The following RSU1 variants were observed in gnomAD, a reference collection of about 807,000 sequenced individuals.
The protein encoded by RSU1 is rsu-1.
In RSU1, 26 loss-of-function variants were observed where a neutral mutation model predicts 31.1. The observed-to-expected ratio is 0.84, with a 90% CI of 0.61 to 1.16. RSU1 has a LOEUF of 1.16. RSU1 is among the 50% of genes most tolerant of loss of function. The pLI is 0.00. For synonymous variants in RSU1, 164 were observed against 136.3 expected, an observed-to-expected ratio of 1.20 and a Z score of -1.41; for missense variants, 320 against 339.1, an observed-to-expected ratio of 0.94 and a Z score of 0.44.
At chr10:16,812,196 C>T (rs1838422986) in intron 2 of RSU1, among the ~76,000 whole-genome samples, 1 of 152,190 alleles carries the variant, frequency 6.6e-6, no homozygotes, top group Non-Finnish European at 1.5e-5. Context: ...AATCCCAGAA[C>T]TTTGGGAGGC....
intron 7 of RSU1, among the ~76,000 whole-genome samples, chr10:16,750,367 A>G (rs1237082810): frequency 2.0e-5 from 3 of 152,206 alleles, no homozygotes; most frequent in Non-Finnish European, 4.4e-5. Flanking sequence ...GGCTCGCAAA[A>G]ATAAAGTCAT....
intron 7 of RSU1, among the ~76,000 whole-genome samples, chr10:16,718,850 G>A (rs368077470): frequency 1.3e-3 from 205 of 151,944 alleles, no homozygotes; most frequent in African/African-American, 4.6e-3. Flanking sequence ...GCATGGTGGC[G>A]GACACATGTA....
chr10:16,678,829 C>T (rs1835277001), intron 8 of RSU1, among the ~76,000 whole-genome samples: 1 of 152,096 alleles, frequency 6.6e-6, no homozygotes, highest in African/African-American at 2.4e-5. Flanking sequence ...GCCTATCCTT[C>T]AGGAATATTC....
At chr10:16,683,064 C>T (rs1236329350) in intron 8 of RSU1, among the ~76,000 whole-genome samples, 2 of 152,002 alleles carry the variant, frequency 1.3e-5, no homozygotes, top group South Asian at 2.1e-4. Flanking sequence ...ATAACAGACC[C>T]CTCTGCCATT....
At chr10:16,594,077 TGAGAG>T (rs548365197) in intron 8 of RSU1, among the ~76,000 whole-genome samples, 259 of 152,398 alleles carry the variant, frequency 1.7e-3, no homozygotes, top group African/African-American at 6.0e-3. Context: ...GCTCCGTGGC[TGAGAG>T]GATTTAACTG....
intron 8 of RSU1, among the ~76,000 whole-genome samples, chr10:16,622,511 T>C (rs889219081): frequency 2.6e-5 from 4 of 152,168 alleles, no homozygotes; most frequent in Non-Finnish European, 4.4e-5. Flanking sequence ...TGTGATTTTA[T>C]TGAAAAAGGC....
At chr10:16,722,459 A>T (rs2131591324) in intron 7 of RSU1, among the ~76,000 whole-genome samples, 1 of 152,300 alleles carries the variant, frequency 6.6e-6, no homozygotes, top group Middle Eastern at 3.4e-3. Context: ...AGAATTCAAG[A>T]GGAGTGGAGG....
chr10:16,744,352 G>A (rs1328963615), intron 7 of RSU1, among the ~76,000 whole-genome samples: 1 of 152,062 alleles, frequency 6.6e-6, no homozygotes, highest in African/African-American at 2.4e-5. Flanking sequence ...AACAAATGAA[G>A]CAATTGGTTC....
intron 7 of RSU1, among the ~76,000 whole-genome samples, chr10:16,702,812 T>C (rs950036206): frequency 2.6e-5 from 4 of 152,152 alleles, no homozygotes; most frequent in Non-Finnish European, 5.9e-5. Flanking sequence ...AAGGCATGAT[T>C]ATATTTTGCA....
chr10:16,694,140 G>A (rs886100570), intron 8 of RSU1, among the ~76,000 whole-genome samples: 1 of 152,144 alleles, frequency 6.6e-6, no homozygotes, highest in Non-Finnish European at 1.5e-5. Context: ...GAGGAAGAAA[G>A]AAGCAGGAAT....
chr10:16,646,462 T>C (rs1834572560), intron 8 of RSU1, among the ~76,000 whole-genome samples: 1 of 152,180 alleles, frequency 6.6e-6, no homozygotes, highest in Non-Finnish European at 1.5e-5. Flanking sequence ...CCTCTCTGAC[T>C]CTTTTGCCCC....
In RSU1 at chr10:16,675,200, C is replaced by CAAAA. The variant is rs4012468; in HGVS notation, c.731+19819_731+19822dup. On this transcript the variant is annotated intron_variant, in intron 8 of 8. Coordinates refer to ENST00000345264, the MANE Select transcript of RSU1 (RefSeq NM_012425.4). ...TGGGTAACAGAGCGAGACTCTGTCT[C>CAAAA]AAAAAAAAAAAAAAAAAGAAAGAAA... Among the ~76,000 whole-genome samples, 118 of 95,430 alleles carry CAAAA rather than the reference C, an allele frequency of 1.2e-3. 3 individuals are homozygous for CAAAA. The South Asian group carries it at 0.02, about 16-fold the overall frequency. The allele number at this position is 95,430 out of a possible 152,430, so 62.6% of individuals were successfully genotyped here. A position where few individuals can be genotyped will look rare whatever the true frequency, so the allele number is the denominator to read the frequency against.
intron 2 of RSU1, among the ~76,000 whole-genome samples, chr10:16,815,093 T>TGCCCCCAA (rs1177288615): frequency 6.6e-6 from 1 of 152,200 alleles, no homozygotes; most frequent in African/African-American, 2.4e-5. Flanking sequence ...GTATCAACAG[T>TGCCCCCAA]GCCCCCAATA....
At chr10:16,786,873 C>T (rs1291498422) in intron 2 of RSU1, among the ~76,000 whole-genome samples, 1 of 152,126 alleles carries the variant, frequency 6.6e-6, no homozygotes, top group South Asian at 2.1e-4. Flanking sequence ...TGCAAGGACA[C>T]CTGGAAGTTT....
At chr10:16,617,513 G>C (rs191707655) in intron 8 of RSU1, among the ~76,000 whole-genome samples, 6 of 152,212 alleles carry the variant, frequency 3.9e-5, no homozygotes, top group African/African-American at 1.4e-4. Context: ...AACCAAAAAA[G>C]AGCCCATATA....
intron 2 of RSU1, among the ~76,000 whole-genome samples, chr10:16,811,688 C>G (rs1397864050): frequency 2.0e-5 from 3 of 152,158 alleles, no homozygotes; most frequent in African/African-American, 4.8e-5. Context: ...ATCATACAAT[C>G]AAAAATAGAA....
intron 8 of RSU1, among the ~76,000 whole-genome samples, chr10:16,663,790 C>G (rs577319249): frequency 1.4e-4 from 22 of 152,326 alleles, no homozygotes; most frequent in African/African-American, 4.6e-4. Context: ...AACTACAAAA[C>G]TGTGGCTGAG....
At chr10:16,688,481 C>T (rs559079207) in intron 8 of RSU1, among the ~76,000 whole-genome samples, 1 of 152,184 alleles carries the variant, frequency 6.6e-6, no homozygotes, top group East Asian at 1.9e-4. Flanking sequence ...TGGTAGCGAG[C>T]GCCTGCAGTC....
At chr10:16,719,052 G>A (rs146407851) in intron 7 of RSU1, among the ~76,000 whole-genome samples, 5,216 of 152,094 alleles carry the variant, frequency 0.034, 304 homozygotes, top group African/African-American at 0.12. Context: ...ACTTTGAGAG[G>A]CTAAGGCAGG....
Sources: allele counts gnomAD v4.1 joint callset (sites outside exome capture counted in the v4.1 genomes callset), GRCh38; gene constraint gnomAD v4.1.1; transcripts MANE v1.5; gene names NCBI Gene and HGNC (gene_info 2026-07-23, HGNC 2026-07-21).